INSL6: variants seen among roughly 807,000 people sequenced by gnomAD.
The protein encoded by INSL6 is insulin like 6, also known as insulin-like peptide INSL6.
INSL6 carries 16 observed loss-of-function variants against 9.4 expected under a neutral mutation model. The observed-to-expected ratio is 1.70, with a 90% CI of 1.15 to 2.59. The LOEUF (loss-of-function observed/expected upper bound fraction) is 2.59. Among genes scored for constraint, INSL6 ranks in the 30% most tolerant of loss-of-function variants. INSL6 has a pLI of 0.00. For missense variants in INSL6, 391 were observed against 257.3 expected (o/e 1.52, Z -3.56); for synonymous variants, 154 against 96.9 (o/e 1.59, Z -3.46).
At chr9:5,059,020 G>A in the INSL6 span, among the ~76,000 whole-genome samples, 1 of 152,098 alleles carries the variant, frequency 6.6e-6, no homozygotes, top group African/African-American at 2.4e-5. Flanking sequence ...ATGCGCAGAT[G>A]TTTTAAAGTT....
At chr9:5,040,600 A>G in the INSL6 span, among the ~76,000 whole-genome samples, 1 of 152,268 alleles carries the variant, frequency 6.6e-6, no homozygotes, top group Non-Finnish European at 1.5e-5. Context: ...ATATAAAAGA[A>G]TTCTTACAGC....
intron 2 of INSL6, among the ~76,000 whole-genome samples, chr9:5,151,777 T>C (rs1824718257): frequency 6.6e-6 from 1 of 152,110 alleles, no homozygotes; most frequent in African/African-American, 2.4e-5. Context: ...AGATTGTATA[T>C]TTAAACACAA....
the INSL6 span, chr9:5,069,899 G>GAT: frequency 1.3e-6 from 2 of 1,492,574 alleles, no homozygotes; most frequent in African/African-American, 1.4e-5. Context: ...ATTTTGAAGT[G>GAT]ATATATATGT....
At chr9:5,033,641 A>C in the INSL6 span, among the ~76,000 whole-genome samples, 1 of 152,198 alleles carries the variant, frequency 6.6e-6, no homozygotes, top group African/African-American at 2.4e-5. Context: ...AGCCAAACTA[A>C]GCTTCATATG....
chr9:5,078,374 G>A, the INSL6 span: 2 of 1,612,874 alleles, frequency 1.2e-6, no homozygotes, highest in East Asian at 4.5e-5. Context: ...AAGAAGACAG[G>A]AAGACAGGAA....
At chr9:5,114,333 G>C in the INSL6 span, 1 of 537,260 alleles carries the variant, frequency 1.9e-6, no homozygotes, top group Non-Finnish European at 3.7e-6. Context: ...TGTGGCTCAG[G>C]TCATCCTAAG....
intron 3 of INSL6, among the ~76,000 whole-genome samples, chr9:5,130,478 G>C (rs1229092763): frequency 6.6e-6 from 1 of 152,122 alleles, no homozygotes; most frequent in Non-Finnish European, 1.5e-5. Context: ...ATTATCAGTT[G>C]CAGATGATAA....
the INSL6 span, among the ~76,000 whole-genome samples, chr9:5,012,414 T>G: frequency 2.0e-5 from 3 of 152,016 alleles, no homozygotes; most frequent in African/African-American, 7.2e-5. Context: ...TCAGGAACAT[T>G]AGTGTAGTAT....
chr9:5,089,685 G>T, the INSL6 span: 1 of 1,380,594 alleles, frequency 7.2e-7, no homozygotes, highest in South Asian at 2.1e-5. Flanking sequence ...GTAATTTTGG[G>T]AGTGTGGAGA....
At chr9:5,061,486 T>G in the INSL6 span, among the ~76,000 whole-genome samples, 3 of 152,244 alleles carry the variant, frequency 2.0e-5, no homozygotes, top group African/African-American at 7.2e-5. Flanking sequence ...GCACATGGCT[T>G]CTTTTCTTAA....
chr9:5,077,519 G>T, the INSL6 span: 4 of 1,469,940 alleles, frequency 2.7e-6, no homozygotes, highest in Non-Finnish European at 2.7e-6. Flanking sequence ...AATAAAAATT[G>T]TATAAATATA....
At chr9:5,055,005 T>C in the INSL6 span, 1 of 683,452 alleles carries the variant, frequency 1.5e-6, no homozygotes, top group South Asian at 2.3e-5. Context: ...GAAGTGGAAG[T>C]TTTTAATAGC....
At chr9:5,145,308 G>T (rs957054030) in intron 2 of INSL6, among the ~76,000 whole-genome samples, 1 of 152,056 alleles carries the variant, frequency 6.6e-6, no homozygotes, top group African/African-American at 2.4e-5. Flanking sequence ...GGCTTGGAGG[G>T]TTTCCACTGA....
Position 5,185,536 on chromosome 9 carries a change from G to A in INSL6, c.67C>T (p.Leu23=). The part of the protein sequence containing the change: ...GLLLVRFSRE[L]SDISSARKLC... Reference sequence around the variant, plus strand: ...TTCCTGGCACTGCTGATGTCGCTCAGTTCACGAGAAAACCGAACCAGCAGG... The same window carrying A: ...TTCCTGGCACTGCTGATGTCGCTCAATTCACGAGAAAACCGAACCAGCAGG... The change falls in exon 1 of 2, where the codon CTG becomes TTG. Residue 23 remains leucine (L), a synonymous_variant. Coordinates refer to ENST00000381641, the MANE Select transcript of INSL6 (RefSeq NM_007179.3). 6.2e-7 allele frequency: 1 copy of A among 1,614,174 alleles called. No homozygotes were observed. Among genetic ancestry groups the A allele is most frequent in the Non-Finnish European group, 8.5e-7 (1 of 1,180,036 alleles).
chr9:5,059,570 T>G, the INSL6 span, among the ~76,000 whole-genome samples: 1 of 152,188 alleles, frequency 6.6e-6, no homozygotes, highest in African/African-American at 2.4e-5. Context: ...TTTTTGTATA[T>G]ATATATCCTA....
At chr9:5,090,791 G>C in the INSL6 span, 1 of 1,613,424 alleles carries the variant, frequency 6.2e-7, no homozygotes, top group Non-Finnish European at 8.5e-7. Context: ...CTGGCAACGA[G>C]AAATATATTG....
the INSL6 span, chr9:5,109,049 G>A: frequency 6.6e-6 from 1 of 151,874 alleles, no homozygotes; most frequent in African/African-American, 2.4e-5. Flanking sequence ...ATCTAGTAAG[G>A]GAACTCTCTG....
chr9:5,174,878 C>A (rs950525628), intron 1 of INSL6, among the ~76,000 whole-genome samples: 1 of 152,166 alleles, frequency 6.6e-6, no homozygotes, highest in Non-Finnish European at 1.5e-5. Flanking sequence ...TCATTTATGA[C>A]AATCCCATCC....
intron 1 of INSL6, among the ~76,000 whole-genome samples, chr9:5,177,027 C>G (rs559803730): frequency 1.3e-5 from 2 of 152,236 alleles, no homozygotes; most frequent in East Asian, 3.9e-4. Context: ...TAAGTAATTT[C>G]ATGACTTTGA....
Sources: gnomAD v4.1 joint callset for allele counts (sites outside exome capture counted in the v4.1 genomes callset) on GRCh38, gnomAD v4.1.1 for gene constraint, MANE v1.5 for transcripts, NCBI Gene and HGNC (gene_info 2026-07-23, HGNC 2026-07-21) for gene names.